The following DIAPH2 variants were observed in gnomAD, a reference collection of about 807,000 sequenced individuals.
The protein encoded by DIAPH2 is diaphanous related formin 2.
In DIAPH2, 35 loss-of-function variants were observed where a neutral mutation model predicts 92.7. That is an observed-to-expected ratio of 0.38 (90% CI 0.29 to 0.50). DIAPH2 has a LOEUF of 0.50. DIAPH2 is among the 20% of genes least tolerant of loss of function. The pLI is 0.94. For synonymous variants in DIAPH2, 301 were observed against 280.4 expected (o/e 1.07, Z -0.73); for missense variants, 701 against 819.5 (o/e 0.86, Z 1.77).
At chrX:96,997,981 T>G (rs1217185677) in intron 17 of DIAPH2, among the ~76,000 whole-genome samples, 1 of 112,369 alleles carries the variant, frequency 8.9e-6, no homozygotes, top group Non-Finnish European at 1.9e-5. Context: ...TTTGTATAAT[T>G]CATGCTTTTG....
intron 3 of DIAPH2, among the ~76,000 whole-genome samples, chrX:96,757,924 A>G (rs1451263236): frequency 8.9e-6 from 1 of 112,019 alleles, no homozygotes; most frequent in Non-Finnish European, 1.9e-5. Context: ...CTTTCTGCTC[A>G]GTAGTTGGCT....
chrX:97,000,451 G>A (rs191037647), intron 17 of DIAPH2, among the ~76,000 whole-genome samples: 2 of 111,607 alleles, frequency 1.8e-5, no homozygotes, highest in African/African-American at 6.5e-5. Context: ...TCTTAATTTA[G>A]TGATTCAGAT....
At chrX:96,956,725 G>T (rs2065812968) in intron 15 of DIAPH2, among the ~76,000 whole-genome samples, 1 of 111,403 alleles carries the variant, frequency 9.0e-6, no homozygotes, top group Non-Finnish European at 1.9e-5. Context: ...ATCTCCATCT[G>T]AGACCACCTC....
intron 22 of DIAPH2, among the ~76,000 whole-genome samples, chrX:97,174,064 AATTAT>A (rs751780536): frequency 2.1e-3 from 175 of 81,558 alleles, no homozygotes; most frequent in Non-Finnish European, 2.7e-3. Flanking sequence ...AATATATAAT[AATTAT>A]ATTATATAAT....
chrX:97,177,709 TAA>T (rs11314858), intron 22 of DIAPH2, among the ~76,000 whole-genome samples: 3,733 of 86,579 alleles, frequency 0.043, 146 homozygotes, highest in African/African-American at 0.13. Flanking sequence ...AAAGCCTACT[TAA>T]AAAAAAAAAA....
chrX:97,541,220 A>G (rs1393663234), intron 26 of DIAPH2, among the ~76,000 whole-genome samples: 1 of 111,983 alleles, frequency 8.9e-6, no homozygotes, highest in Non-Finnish European at 1.9e-5. Context: ...GGTTAAGTAG[A>G]AGAGAAGAGA....
At chrX:97,147,927 C>A (rs1188305789) in intron 22 of DIAPH2, among the ~76,000 whole-genome samples, 2 of 111,355 alleles carry the variant, frequency 1.8e-5, no homozygotes, top group Non-Finnish European at 3.8e-5. Context: ...AGGGGAAAAT[C>A]TATGGATTCA....
intron 23 of DIAPH2, among the ~76,000 whole-genome samples, chrX:97,286,556 A>T (rs2040046187): frequency 9.0e-6 from 1 of 111,346 alleles, no homozygotes; most frequent in South Asian, 3.8e-4. Flanking sequence ...TGCCACTTGC[A>T]TGTTGTCCCA....
intron 17 of DIAPH2, among the ~76,000 whole-genome samples, chrX:97,010,486 T>C (rs1183835765): frequency 8.9e-6 from 1 of 111,768 alleles, no homozygotes; most frequent in Non-Finnish European, 1.9e-5. Flanking sequence ...GATTTTTGTG[T>C]GGATGGTTGT....
chrX:97,031,552 A>G (rs769381151), intron 17 of DIAPH2, among the ~76,000 whole-genome samples: 2 of 111,453 alleles, frequency 1.8e-5, no homozygotes. Context: ...ACAGTATGTT[A>G]ATTGCAAGTG....
At chrX:97,011,200 A>G (rs751025219) in intron 17 of DIAPH2, among the ~76,000 whole-genome samples, 8 of 112,464 alleles carry the variant, frequency 7.1e-5, no homozygotes, top group Non-Finnish European at 1.3e-4. Flanking sequence ...CTCTGTAAAA[A>G]TTACAGTAGT....
chrX:97,160,901 T>C (rs1251680451), intron 22 of DIAPH2, among the ~76,000 whole-genome samples: 1 of 111,806 alleles, frequency 8.9e-6, no homozygotes, highest in Non-Finnish European at 1.9e-5. Flanking sequence ...GCTTTTAGTG[T>C]AAATGGAGCA....
intron 23 of DIAPH2, among the ~76,000 whole-genome samples, chrX:97,294,931 C>T (rs1444396800): frequency 1.8e-5 from 2 of 111,249 alleles, no homozygotes; most frequent in Non-Finnish European, 3.8e-5. Context: ...TGGCTGTCTT[C>T]ACTAGTCCCA....
chrX:97,541,174 C>T (rs1328547481), intron 26 of DIAPH2, among the ~76,000 whole-genome samples: 3 of 111,605 alleles, frequency 2.7e-5, no homozygotes, highest in South Asian at 3.7e-4. Flanking sequence ...AATTCTGTTT[C>T]GGAAGCCAAG....
At chrX:96,761,036 C>G (rs908503038) in intron 4 of DIAPH2, among the ~76,000 whole-genome samples, 7 of 111,032 alleles carry the variant, frequency 6.3e-5, no homozygotes, top group African/African-American at 2.3e-4. Context: ...TTCAAAACAC[C>G]AGCATATGTT....
At chrX:96,758,133 A>C (rs1477135500) in intron 3 of DIAPH2, 21 bp from the exon 4 acceptor site, 1 of 1,150,902 alleles carries the variant, frequency 8.7e-7, no homozygotes, top group Admixed American at 2.7e-5. Context: ...CAATGCCCAC[A>C]GTAAATGTTA....
At chrX:96,714,553 C>T (rs932512428) in intron 1 of DIAPH2, among the ~76,000 whole-genome samples, 4 of 111,509 alleles carry the variant, frequency 3.6e-5, no homozygotes, top group African/African-American at 1.3e-4. Flanking sequence ...CATGAGCCAT[C>T]GCGCCTGGCC....
chrX:96,910,750 C>T (rs960671634), intron 5 of DIAPH2, among the ~76,000 whole-genome samples: 2 of 111,061 alleles, frequency 1.8e-5, no homozygotes, highest in African/African-American at 3.3e-5. Context: ...CCTTGCTAAA[C>T]ACTATGAAAC....
At chrX:97,599,164 A>G (rs1204027657) in intron 26 of DIAPH2, 89 bp from the exon 27 acceptor site, 5 of 588,405 alleles carry the variant, frequency 8.5e-6, no homozygotes, top group Non-Finnish European at 1.3e-5. Flanking sequence ...TTTCAGGACT[A>G]TTTGAAAACC....
Sources: allele counts gnomAD v4.1 joint callset (sites outside exome capture counted in the v4.1 genomes callset), GRCh38; gene constraint gnomAD v4.1.1; transcripts MANE v1.5; gene names NCBI Gene and HGNC (gene_info 2026-07-23, HGNC 2026-07-21).